COP1: variants seen among roughly 807,000 people sequenced by gnomAD.
COP1 encodes COP1 E3 ubiquitin ligase.
A neutral mutation model predicts 101.3 loss-of-function variants in COP1; 24 were observed. The ratio of observed to expected loss-of-function variants is 0.24; its 90% CI spans 0.17 to 0.33. The LOEUF is 0.33. COP1 is among the 10% of genes least tolerant of loss of function. The pLI is 1.00. For synonymous variants in COP1, 347 were observed against 341.9 expected (o/e 1.01, Z -0.17); for missense variants, 663 against 906.2 (o/e 0.73, Z 3.45).
intron 18 of COP1, among the ~76,000 whole-genome samples, chr1:175,983,629 G>A (rs552573980): frequency 2.0e-5 from 3 of 152,306 alleles, no homozygotes; most frequent in African/African-American, 7.2e-5. Flanking sequence ...CTGGTTAACA[G>A]GCAGAGGTTG....
chr1:176,059,362 C>G (rs1674439363), intron 11 of COP1, among the ~76,000 whole-genome samples: 1 of 152,188 alleles, frequency 6.6e-6, no homozygotes, highest in Admixed American at 6.5e-5. Flanking sequence ...TTTAACCATA[C>G]AGAATAGGTA....
At chr1:176,017,773 C>T (rs1665931698) in intron 15 of COP1, among the ~76,000 whole-genome samples, 1 of 152,174 alleles carries the variant, frequency 6.6e-6, no homozygotes, top group African/African-American at 2.4e-5. Flanking sequence ...GATCTGCCCA[C>T]CTCGGCCTCC....
At chr1:175,997,994 C>T (rs1180152685) in intron 15 of COP1, among the ~76,000 whole-genome samples, 1 of 145,610 alleles carries the variant, frequency 6.9e-6, no homozygotes, top group Non-Finnish European at 1.5e-5. Flanking sequence ...AGACTTGGAG[C>T]CAACCCAAAA....
intron 3 of COP1, among the ~76,000 whole-genome samples, chr1:176,169,780 C>T (rs760651025): frequency 2.0e-5 from 3 of 152,136 alleles, no homozygotes; most frequent in Non-Finnish European, 4.4e-5. Context: ...AACACAATGA[C>T]GAAGACTGCT....
chr1:175,977,216 A>G (rs779288400), intron 18 of COP1, among the ~76,000 whole-genome samples: 1 of 152,218 alleles, frequency 6.6e-6, no homozygotes, highest in Non-Finnish European at 1.5e-5. Flanking sequence ...TGCTTATTTA[A>G]TTCTCTACAA....
chr1:176,127,613 G>A (rs72715113), intron 8 of COP1, among the ~76,000 whole-genome samples: 35 of 87,438 alleles, frequency 4.0e-4, no homozygotes, highest in South Asian at 1.5e-3. Context: ...GTGTGTGTGT[G>A]TATATATATA....
intron 11 of COP1, among the ~76,000 whole-genome samples, chr1:176,074,077 C>T (rs981052151): frequency 1.3e-5 from 2 of 152,136 alleles, no homozygotes; most frequent in Admixed American, 6.5e-5. Flanking sequence ...CAGGCATACG[C>T]CACCATGCCT....
intron 8 of COP1, among the ~76,000 whole-genome samples, chr1:176,126,928 G>A (rs933293311): frequency 2.0e-5 from 3 of 151,888 alleles, no homozygotes; most frequent in East Asian, 3.9e-4. Flanking sequence ...TTAAATTATT[G>A]GAATCAAAAA....
chr1:176,004,671 T>C (rs1424956189), intron 15 of COP1, among the ~76,000 whole-genome samples: 3 of 151,000 alleles, frequency 2.0e-5, no homozygotes, highest in African/African-American at 4.8e-5. Context: ...TTTGTGTGTA[T>C]TGAACCAGCC....
At chr1:176,109,100 G>A (rs1684847962) in intron 9 of COP1, among the ~76,000 whole-genome samples, 1 of 151,980 alleles carries the variant, frequency 6.6e-6, no homozygotes, top group South Asian at 2.1e-4. Flanking sequence ...GACAGAGTGA[G>A]ACTCTGTCTC....
In COP1 at chr1:176,081,252, G is replaced by C. The variant is rs771517494; in HGVS notation, c.1177C>G (p.Gln393Glu). 1 of 1,589,630 alleles carries C rather than the reference G, an allele frequency of 6.3e-7. No homozygotes were observed. Residue 393 changes from glutamine to glutamate, a missense_variant, in exon 11 of 20, where the codon CAG becomes GAG. Physicochemically the swap from Gln to Glu is conservative, Grantham distance 29 (BLOSUM62 2). Transcript: ENST00000367669. ...CGAGTAAACTTGGACAAGCATTCCTGAAATTCATCCAACTGGCTTGCAGTT... is the reference window on the plus strand; with the variant it reads ...CGAGTAAACTTGGACAAGCATTCCTCAAATTCATCCAACTGGCTTGCAGTT... ...SRTASQLDEF[Q>E]ECLSKFTRYN...
At chr1:176,019,241 G>C (rs893891368) in intron 15 of COP1, among the ~76,000 whole-genome samples, 1 of 151,592 alleles carries the variant, frequency 6.6e-6, no homozygotes, top group Non-Finnish European at 1.5e-5. Context: ...GAGGCGGGCG[G>C]ATCACGAGGT....
intron 14 of COP1, among the ~76,000 whole-genome samples, chr1:176,029,006 A>C (rs1324225406): frequency 6.6e-6 from 1 of 151,790 alleles, no homozygotes; most frequent in Non-Finnish European, 1.5e-5. Context: ...TGCCCACCTC[A>C]GCCTCACAAA....
intron 9 of COP1, among the ~76,000 whole-genome samples, chr1:176,115,811 G>T (rs1348269417): frequency 6.6e-6 from 1 of 151,868 alleles, no homozygotes; most frequent in Non-Finnish European, 1.5e-5. Context: ...TCAAAAATAA[G>T]CTTGACAGAT....
chr1:176,050,610 C>T (rs946501751), intron 11 of COP1, among the ~76,000 whole-genome samples: 5 of 152,000 alleles, frequency 3.3e-5, no homozygotes, highest in Admixed American at 6.6e-5. Flanking sequence ...GCCATTTTAA[C>T]GAAAAGTGAT....
intron 1 of COP1, among the ~76,000 whole-genome samples, chr1:176,195,573 T>C (rs1018794113): frequency 1.3e-5 from 2 of 152,162 alleles, no homozygotes; most frequent in African/African-American, 4.8e-5. Context: ...TGGTGGACCA[T>C]GAAACGAGTC....
chr1:176,158,096 G>GA lies in COP1; in HGVS notation c.762+4772dup, dbSNP rs562503760. 3.2e-3 allele frequency among the ~76,000 whole-genome samples: 466 copies of GA among 146,128 alleles called. 3 individuals are homozygous for GA. Among genetic ancestry groups the GA allele is most frequent in the African/African-American group, 9.9e-3 (396 of 39,966 alleles). ...CCCAATAACAAAAAACACAAAGGGG[G>GA]AAAAAAAAAACCTCTACTGCAAGGC... On this transcript the variant is annotated intron_variant, in intron 5 of 19. Transcript: ENST00000367669.
At chr1:176,162,807 G>A (rs986778628) in intron 5 of COP1, 62 bp downstream of exon 5, 20 of 1,429,436 alleles carry the variant, frequency 1.4e-5, no homozygotes, top group Middle Eastern at 1.9e-4. Context: ...AACTTTCTAC[G>A]TCTTTTTTAT....
chr1:176,164,208 C>T (rs769537244), intron 3 of COP1, among the ~76,000 whole-genome samples: 3 of 152,176 alleles, frequency 2.0e-5, no homozygotes, highest in Admixed American at 2.0e-4. Context: ...CCATCACATG[C>T]CCCATATGGT....
Sources: gnomAD v4.1 joint callset for allele counts (sites outside exome capture counted in the v4.1 genomes callset) on GRCh38, gnomAD v4.1.1 for gene constraint, MANE v1.5 for transcripts, NCBI Gene and HGNC (gene_info 2026-07-23, HGNC 2026-07-21) for gene names.